SYNPO2: variants seen among roughly 807,000 people sequenced by gnomAD.
SYNPO2 encodes synaptopodin-2.
A neutral mutation model predicts 85.0 loss-of-function variants in SYNPO2; 56 were observed. That is an observed-to-expected ratio of 0.66 (90% confidence interval 0.53 to 0.82). The LOEUF (loss-of-function observed/expected upper bound fraction) is 0.82, where lower values mean the gene tolerates loss of function less well. SYNPO2 is among the 40% of genes least tolerant of loss of function. The pLI is 0.00. For synonymous variants in SYNPO2, 602 were observed against 591.1 expected (o/e 1.02, Z -0.27); for missense variants, 1,575 against 1,534.2 (o/e 1.03, Z -0.44).
intron 1 of SYNPO2, among the ~76,000 whole-genome samples, chr4:118,909,257 A>G (rs1323074784): frequency 1.3e-5 from 2 of 152,268 alleles, no homozygotes; most frequent in Non-Finnish European, 2.9e-5. Flanking sequence ...GAGAACTGAC[A>G]TACACGTAGA....
chr4:119,039,557 A>C (rs1298823399), intron 4 of SYNPO2, among the ~76,000 whole-genome samples: 1 of 152,132 alleles, frequency 6.6e-6, no homozygotes, highest in Non-Finnish European at 1.5e-5. Flanking sequence ...GCTTATTACA[A>C]CTCAATAATG....
intron 1 of SYNPO2, among the ~76,000 whole-genome samples, chr4:118,991,450 T>C (rs1168882538): frequency 2.0e-5 from 3 of 152,012 alleles, no homozygotes; most frequent in African/African-American, 7.2e-5. Flanking sequence ...ACCCGGCCTG[T>C]TTTTGTTTTT....
intron 1 of SYNPO2, among the ~76,000 whole-genome samples, chr4:118,894,021 AAG>A (rs1267242108): frequency 1.3e-5 from 2 of 150,394 alleles, no homozygotes; most frequent in Non-Finnish European, 1.5e-5. Flanking sequence ...AAACTTAAAA[AAG>A]AAGATATATA....
intron 1 of SYNPO2, among the ~76,000 whole-genome samples, chr4:118,982,528 G>A (rs193242538): frequency 3.5e-4 from 53 of 152,238 alleles, no homozygotes; most frequent in African/African-American, 1.3e-3. Context: ...AAGGAGGATG[G>A]TATGCCCCTC....
chr4:118,907,557 G>T (rs993801487), intron 1 of SYNPO2, among the ~76,000 whole-genome samples: 1 of 152,124 alleles, frequency 6.6e-6, no homozygotes. Context: ...AGGAGTCATT[G>T]GTATACTTGG....
chr4:119,040,344 A>T (rs532746963), intron 4 of SYNPO2, among the ~76,000 whole-genome samples: 3 of 152,212 alleles, frequency 2.0e-5, no homozygotes, highest in Non-Finnish European at 4.4e-5. Context: ...TTGACACAAG[A>T]AATCTATTCC....
intron 1 of SYNPO2, among the ~76,000 whole-genome samples, chr4:118,855,500 C>T (rs771150114): frequency 5.3e-5 from 8 of 152,088 alleles, no homozygotes; most frequent in Admixed American, 1.3e-4. Flanking sequence ...GAGTAGATAT[C>T]GCACAACTGT....
At chr4:118,921,084 T>C (rs1423149062) in intron 1 of SYNPO2, among the ~76,000 whole-genome samples, 1 of 152,048 alleles carries the variant, frequency 6.6e-6, no homozygotes, top group African/African-American at 2.4e-5. Flanking sequence ...TTTACTTTTA[T>C]TTTGTAGAGA....
intron 1 of SYNPO2, among the ~76,000 whole-genome samples, chr4:118,879,290 C>T (rs752537392): frequency 1.3e-5 from 2 of 152,188 alleles, no homozygotes; most frequent in East Asian, 3.8e-4. Flanking sequence ...ACAGAAGTGC[C>T]AATTCAGAGA....
chr4:119,053,872 G>A (rs539125405), intron 4 of SYNPO2, among the ~76,000 whole-genome samples: 3 of 152,154 alleles, frequency 2.0e-5, no homozygotes, highest in East Asian at 3.9e-4. Context: ...TTATTAGCCA[G>A]TAAATTAAAC....
rs962721851 is a variant in SYNPO2, at chr4:119,026,824, G to C, written c.455G>C (p.Cys152Ser). The C allele has an allele frequency of 6.2e-7, 1 of 1,614,088 alleles. No homozygotes were observed. The change falls in exon 3 of 5, where the codon TGT (cysteine) becomes TCT (serine). Residue 152 changes from cysteine (C) to serine (S), a missense_variant. Transcript: ENST00000307142. Reference sequence around the variant, plus strand: ...GAGAACCAAAGAAGTGGTCCCGACTGTGCAGGCAGCTTGAAAGAAGAAACA... The same window carrying C: ...GAGAACCAAAGAAGTGGTCCCGACTCTGCAGGCAGCTTGAAAGAAGAAACA... ...LAENQRSGPD[C>S]AGSLKEETGP...
chr4:118,890,507 A>C (rs78336126), intron 1 of SYNPO2, among the ~76,000 whole-genome samples: 3,363 of 152,108 alleles, frequency 0.022, 45 homozygotes, highest in African/African-American at 0.025. Context: ...AGTCAATAGC[A>C]GGCAACCTCA....
chr4:118,987,643 G>GAA (rs777269364), intron 1 of SYNPO2, among the ~76,000 whole-genome samples: 10 of 119,416 alleles, frequency 8.4e-5, no homozygotes, highest in African/African-American at 2.7e-4. Flanking sequence ...CAGCCCACAT[G>GAA]AAAAAAAAAA....
chr4:118,999,677 T>G (rs1736752436), intron 1 of SYNPO2, among the ~76,000 whole-genome samples: 1 of 152,150 alleles, frequency 6.6e-6, no homozygotes, highest in Non-Finnish European at 1.5e-5. Context: ...GTTTATAGAC[T>G]AATAATACCT....
intron 4 of SYNPO2, chr4:119,033,650 T>C (rs1214970110): frequency 1.1e-5 from 11 of 985,320 alleles, no homozygotes; most frequent in Non-Finnish European, 1.2e-5. Context: ...TCTGAAAATA[T>C]CTGTATTCCT....
intron 4 of SYNPO2, chr4:119,032,623 A>G: frequency 1.0e-6 from 1 of 989,170 alleles, no homozygotes; most frequent in Non-Finnish European, 1.2e-6. Context: ...TAGTTTAGTA[A>G]GAAGTGGGTA....
chr4:118,865,051 A>G (rs1256582321), intron 1 of SYNPO2, among the ~76,000 whole-genome samples: 1 of 152,252 alleles, frequency 6.6e-6, no homozygotes, highest in African/African-American at 2.4e-5. Flanking sequence ...AGGGAACAAA[A>G]GGAATATGTT....
chr4:119,013,379 T>C (rs960563641), intron 1 of SYNPO2, among the ~76,000 whole-genome samples: 1 of 152,366 alleles, frequency 6.6e-6, no homozygotes, highest in East Asian at 1.9e-4. Context: ...GCACTTTGGC[T>C]GGATACTGAA....
chr4:119,034,211 A>G, intron 4 of SYNPO2: 1 of 985,466 alleles, frequency 1.0e-6, no homozygotes, highest in African/African-American at 1.7e-5. Context: ...TGCAGCAGGA[A>G]AAAAGATCAT....
Sources: allele counts gnomAD v4.1 joint callset (sites outside exome capture counted in the v4.1 genomes callset), GRCh38; gene constraint gnomAD v4.1.1; transcripts MANE v1.5; gene names NCBI Gene and HGNC (gene_info 2026-07-23, HGNC 2026-07-21).